DCAF7: variants seen among roughly 807,000 people sequenced by gnomAD.
DCAF7 encodes the protein DDB1 and CUL4 associated factor 7.
In DCAF7, 4 loss-of-function variants were observed where a neutral mutation model predicts 41.2. The observed-to-expected ratio is 0.10, with a 90% CI of 0.05 to 0.22. The LOEUF is 0.22. DCAF7 is among the 10% of genes least tolerant of loss of function. The pLI, the probability that DCAF7 is intolerant of heterozygous loss-of-function variation, is 1.00. For synonymous variants in DCAF7, 143 were observed against 164.2 expected, an observed-to-expected ratio of 0.87 and a Z score of 0.99; for missense variants, 131 against 443.2, an observed-to-expected ratio of 0.30 and a Z score of 6.32.
rs116807433 is a variant in DCAF7 at position 63,567,753 on chromosome 17, G to A, written c.139-10717G>A. ...CAGCTCACTACAGCCTTGACTTTCT[G>A]GGTTCGGGTGGTCCTCCCATCTCAG... On this transcript the variant is annotated intron_variant, in intron 1 of 6. Coordinates refer to ENST00000614556, the MANE Select transcript of DCAF7 (RefSeq NM_005828.5). Among the ~76,000 whole-genome samples, 1,200 of 151,974 alleles carry A rather than the reference G, an allele frequency of 7.9e-3. 15 individuals carry two copies. Among genetic ancestry groups the A allele is most frequent in the African/African-American group, 0.027 (1,128 of 41,432 alleles).
intron 1 of DCAF7, among the ~76,000 whole-genome samples, chr17:63,576,472 C>G (rs948223530): frequency 6.6e-6 from 1 of 152,026 alleles, no homozygotes; most frequent in Non-Finnish European, 1.5e-5. Flanking sequence ...CAACAAAAAG[C>G]AAACCTTGAT....
At chr17:63,578,981 G>T (rs2033591550) in intron 2 of DCAF7, among the ~76,000 whole-genome samples, 1 of 152,214 alleles carries the variant, frequency 6.6e-6, no homozygotes, top group Non-Finnish European at 1.5e-5. Context: ...GATAAAGTGT[G>T]TGAGTGGATC....
intron 1 of DCAF7, among the ~76,000 whole-genome samples, chr17:63,569,436 GGGTGGGGACCAA>G (rs1256725952): frequency 6.6e-6 from 1 of 151,440 alleles, no homozygotes; most frequent in Admixed American, 6.6e-5. Flanking sequence ...AACCTTCAGA[GGGTGGGGACCAA>G]GCAGGCATAG....
At chr17:63,579,733 C>A in intron 3 of DCAF7, 92 bp from the exon 4 acceptor site, 1 of 1,098,908 alleles carries the variant, frequency 9.1e-7, no homozygotes, top group Non-Finnish European at 1.3e-6. Flanking sequence ...TGGTATGCTG[C>A]TCCCTGGGCT....
chr17:63,558,535 A>G (rs910575242), intron 1 of DCAF7, among the ~76,000 whole-genome samples: 8 of 152,074 alleles, frequency 5.3e-5, no homozygotes, highest in Admixed American at 6.6e-5. Flanking sequence ...CCTGTTTAAA[A>G]TACCACAGTT....
intron 1 of DCAF7, among the ~76,000 whole-genome samples, chr17:63,553,675 A>AG (rs1568096012): frequency 6.6e-6 from 1 of 152,230 alleles, no homozygotes; most frequent in Non-Finnish European, 1.5e-5. Context: ...AAAGGCTAGA[A>AG]GTGGTCATCT....
chr17:63,582,111 T>C (rs183480592), intron 4 of DCAF7, among the ~76,000 whole-genome samples: 74 of 152,262 alleles, frequency 4.9e-4, no homozygotes, highest in Admixed American at 4.3e-3. Context: ...AGCTGTACAG[T>C]ACTAGAGAAA....
rs147121365 is a variant in DCAF7 at position 63,555,645 on chromosome 17, G to A, written c.138+4830G>A. Among the ~76,000 whole-genome samples the A allele has an allele frequency of 1.1e-3, 167 of 152,294 alleles. 1 individual carries two copies. Among genetic ancestry groups the A allele is most frequent in the African/African-American group, 3.9e-3 (164 of 41,572 alleles). ...AGTACTTTTGATAGATATTTAGAAT[G>A]TCGCAGTGTTCCACGAGTCCCTGTC... On this transcript the variant is annotated intron_variant, in intron 1 of 6. Coordinates refer to ENST00000614556, the MANE Select transcript of DCAF7 (RefSeq NM_005828.5).
At chr17:63,578,661 T>C (rs1307707349) in intron 2 of DCAF7, 33 bp downstream of exon 2, 1 of 1,613,474 alleles carries the variant, frequency 6.2e-7, no homozygotes, top group South Asian at 1.1e-5. Flanking sequence ...GCCAGACAAG[T>C]GGGCTTTCTC....
intron 1 of DCAF7, among the ~76,000 whole-genome samples, chr17:63,556,579 T>C (rs549967569): frequency 6.9e-6 from 1 of 145,764 alleles, no homozygotes; most frequent in East Asian, 2.1e-4. Flanking sequence ...AAAGAAAAAA[T>C]AAATCAGGGC....
chr17:63,579,735 C>G, intron 3 of DCAF7, 90 bp from the exon 4 acceptor site: 1 of 1,134,266 alleles, frequency 8.8e-7, no homozygotes, highest in Admixed American at 2.2e-5. Flanking sequence ...GTATGCTGCT[C>G]CCTGGGCTGA....
chr17:63,570,207 A>C (rs1362987142), intron 1 of DCAF7, among the ~76,000 whole-genome samples: 1 of 152,056 alleles, frequency 6.6e-6, no homozygotes, highest in Non-Finnish European at 1.5e-5. Context: ...TAATCCCAGC[A>C]CTTTGGGAGG....
intron 4 of DCAF7, among the ~76,000 whole-genome samples, chr17:63,580,162 G>A (rs775481168): frequency 2.2e-4 from 34 of 152,118 alleles, no homozygotes; most frequent in Non-Finnish European, 4.6e-4. Context: ...CTATTCTACG[G>A]TCTGTCATTG....
chr17:63,568,460 T>G (rs2147767681), intron 1 of DCAF7, among the ~76,000 whole-genome samples: 1 of 152,352 alleles, frequency 6.6e-6, no homozygotes, highest in African/African-American at 2.4e-5. Flanking sequence ...TTTGCAGTTT[T>G]GGCCATCACT....
intron 2 of DCAF7, among the ~76,000 whole-genome samples, 198 bp from the exon 3 acceptor site, chr17:63,579,139 A>G (rs1296414522): frequency 4.6e-5 from 7 of 152,212 alleles, no homozygotes; most frequent in Non-Finnish European, 1.0e-4. Context: ...ATGAAAATGT[A>G]GAAAACAAAG....
chr17:63,561,022 C>A (rs146243755), intron 1 of DCAF7, among the ~76,000 whole-genome samples: 1 of 152,230 alleles, frequency 6.6e-6, no homozygotes, highest in Non-Finnish European at 1.5e-5. Flanking sequence ...GTAATCCCAG[C>A]ACTTTGGGAG....
At position 63,550,777 on chromosome 17, in the gene DCAF7, T is replaced by C. The variant is rs754577231; in HGVS notation, c.100T>C (p.Leu34=). 6.8e-6 allele frequency: 11 copies of C among 1,613,784 alleles called. No homozygotes were observed. Among genetic ancestry groups the C allele is most frequent in the Non-Finnish European group, 9.3e-6 (11 of 1,179,836 alleles). ...WSVRPDKRFR[L]ALGSFVEEYN... ...TGTGCGGCCCGATAAGCGCTTTCGC[T>C]TGGCGCTGGGCAGCTTCGTGGAGGA... Residue 34 remains leucine, a synonymous_variant, in exon 1 of 7, where the codon TTG becomes CTG. Transcript: ENST00000614556. The surrounding 1 kb of genome is among the most constrained non-coding windows in gnomAD (Gnocchi z 4.8).
intron 1 of DCAF7, among the ~76,000 whole-genome samples, chr17:63,561,362 G>T (rs28571160): frequency 0.33 from 49,759 of 152,030 alleles, 10,278 homozygotes; most frequent in African/African-American, 0.59. Context: ...CAAAAATTTT[G>T]TAAATATAGG....
intron 5 of DCAF7, 72 bp from the exon 6 acceptor site, chr17:63,585,139 T>C (rs2033663854): frequency 1.6e-6 from 2 of 1,232,556 alleles, no homozygotes; most frequent in African/African-American, 1.5e-5. Flanking sequence ...GATTTTTGCA[T>C]GTGGATAGTA....
Sources: gnomAD v4.1 joint callset for allele counts (sites outside exome capture counted in the v4.1 genomes callset) on GRCh38, gnomAD v4.1.1 for gene constraint, Gnocchi (gnomAD v3.1) non-coding constraint, MANE v1.5 for transcripts, NCBI Gene and HGNC (gene_info 2026-07-23, HGNC 2026-07-21) for gene names.